Variants in CAMKMT observed in about 807,000 individuals in gnomAD.
CAMKMT encodes the protein CaM KMT.
A neutral mutation model predicts 48.0 loss-of-function variants in CAMKMT; 53 were observed. The ratio of observed to expected loss-of-function variants is 1.10; its 90% CI spans 0.89 to 1.39. The LOEUF is 1.39. CAMKMT is among the 40% of genes most tolerant of loss of function. The probability of loss-of-function intolerance (pLI) is 0.00; values close to 1 mark genes in which losing one functional copy is unlikely to be tolerated. For synonymous variants in CAMKMT, 165 were observed against 152.3 expected (o/e 1.08, Z -0.61); for missense variants, 428 against 402.7 (o/e 1.06, Z -0.54).
At chr2:44,490,425 G>A (rs570896493) in intron 3 of CAMKMT, among the ~76,000 whole-genome samples, 80 of 152,130 alleles carry the variant, frequency 5.3e-4, no homozygotes, top group Non-Finnish European at 9.0e-4. Context: ...ACAGGCATGC[G>A]CCACCACACT....
intron 3 of CAMKMT, chr2:44,456,592 G>T (rs1160426962): frequency 6.5e-7 from 1 of 1,549,744 alleles, no homozygotes; most frequent in Non-Finnish European, 8.7e-7. Context: ...GGAAAATGAA[G>T]ATATCACCAT....
intron 3 of CAMKMT, among the ~76,000 whole-genome samples, chr2:44,482,377 CAGG>C (rs905356948): frequency 2.0e-4 from 30 of 152,048 alleles, no homozygotes; most frequent in African/African-American, 7.0e-4. Flanking sequence ...AAAAATTCTT[CAGG>C]AGGTCTATTG....
chr2:44,377,346 TTGTTATTAGATAGA>T (rs1679803080), intron 2 of CAMKMT, among the ~76,000 whole-genome samples: 1 of 152,168 alleles, frequency 6.6e-6, no homozygotes, highest in South Asian at 2.1e-4. Flanking sequence ...GAAGAGGCTC[TTGTTATTAGATAGA>T]TGCAAGTATA....
rs560123134 is a variant in CAMKMT at position 44,530,946 on chromosome 2, A to G, written c.376+140641A>G. Reference sequence around the variant, plus strand: ...GTGGTAGCCTTAGAAGGAACAAGATATGATGACAAAGATCTTCCCCATTGT... The same window carrying G: ...GTGGTAGCCTTAGAAGGAACAAGATGTGATGACAAAGATCTTCCCCATTGT... On this transcript the variant is annotated intron_variant, in intron 3 of 10. Transcript: ENST00000378494. Among the ~76,000 whole-genome samples, 104 of 152,152 alleles carry G rather than the reference A, an allele frequency of 6.8e-4. No homozygotes were observed. In the Middle Eastern group the frequency reaches 0.014, roughly 20 times the overall value.
chr2:44,454,200 T>C (rs1436647951), intron 3 of CAMKMT, among the ~76,000 whole-genome samples: 1 of 152,156 alleles, frequency 6.6e-6, no homozygotes, highest in South Asian at 2.1e-4. Context: ...TTTCATTCTC[T>C]TCTGTTTACA....
At chr2:44,730,846 A>C (rs1048702448) in intron 7 of CAMKMT, among the ~76,000 whole-genome samples, 2 of 152,244 alleles carry the variant, frequency 1.3e-5, no homozygotes, top group Non-Finnish European at 2.9e-5. Flanking sequence ...AGTGACATAA[A>C]AGAAACTGTG....
At chr2:44,592,269 A>C (rs908112408) in intron 3 of CAMKMT, among the ~76,000 whole-genome samples, 2 of 147,060 alleles carry the variant, frequency 1.4e-5, no homozygotes, top group Non-Finnish European at 3.0e-5. Context: ...GGGTACTGCA[A>C]TATTCAGGTT....
intron 3 of CAMKMT, among the ~76,000 whole-genome samples, chr2:44,453,513 G>A (rs2104597012): frequency 6.6e-6 from 1 of 152,174 alleles, no homozygotes; most frequent in Non-Finnish European, 1.5e-5. Context: ...TGAATGTAAT[G>A]AACAGCTATT....
intron 3 of CAMKMT, among the ~76,000 whole-genome samples, chr2:44,600,361 G>T (rs779690258): frequency 2.6e-5 from 4 of 151,698 alleles, no homozygotes; most frequent in Non-Finnish European, 5.9e-5. Context: ...CAAACTCCTG[G>T]GCTCAGGTGA....
chr2:44,496,375 C>T (rs139153135), intron 3 of CAMKMT, among the ~76,000 whole-genome samples: 1 of 152,086 alleles, frequency 6.6e-6, no homozygotes, highest in African/African-American at 2.4e-5. Flanking sequence ...GTAAACACTC[C>T]CTACTGATTC....
intron 3 of CAMKMT, among the ~76,000 whole-genome samples, chr2:44,520,550 T>G (rs1020022963): frequency 3.9e-5 from 6 of 152,214 alleles, no homozygotes; most frequent in Non-Finnish European, 7.4e-5. Context: ...ATGGTCATGG[T>G]ACCTGCTCCT....
intron 3 of CAMKMT, among the ~76,000 whole-genome samples, chr2:44,568,992 T>C (rs775988118): frequency 2.2e-4 from 33 of 152,330 alleles, no homozygotes; most frequent in Admixed American, 1.0e-3. Flanking sequence ...TCTAGGGCAG[T>C]GTCAGAATTC....
At chr2:44,632,894 G>A (rs1482087014) in intron 3 of CAMKMT, among the ~76,000 whole-genome samples, 1 of 152,132 alleles carries the variant, frequency 6.6e-6, no homozygotes, top group East Asian at 1.9e-4. Flanking sequence ...TTGGGTCTCA[G>A]GCTGGCTCTC....
intron 3 of CAMKMT, among the ~76,000 whole-genome samples, chr2:44,443,502 G>A (rs2104569069): frequency 6.6e-6 from 1 of 152,226 alleles, no homozygotes; most frequent in African/African-American, 2.4e-5. Context: ...TGGGGGTGAA[G>A]TGCTTAGTTT....
chr2:44,619,225 C>T (rs896319303), intron 3 of CAMKMT, among the ~76,000 whole-genome samples: 1 of 152,158 alleles, frequency 6.6e-6, no homozygotes, highest in Non-Finnish European at 1.5e-5. Flanking sequence ...CACCATTACT[C>T]AAGTCTGCAT....
intron 3 of CAMKMT, among the ~76,000 whole-genome samples, chr2:44,606,809 C>CA (rs1671310124): frequency 1.2e-5 from 1 of 84,676 alleles, no homozygotes; most frequent in Non-Finnish European, 2.5e-5. Flanking sequence ...CTTAATGTGA[C>CA]CCCCCCCCCA....
intron 3 of CAMKMT, among the ~76,000 whole-genome samples, chr2:44,553,364 CT>C (rs11355850): frequency 0.54 from 75,552 of 141,132 alleles, 20,805 homozygotes; most frequent in Non-Finnish European, 0.64. Flanking sequence ...GAGTGAGACA[CT>C]TTTTTTTTTT....
Position 44,524,884 on chromosome 2 carries a change from A to G in CAMKMT, c.376+134579A>G, listed in dbSNP as rs536517299. On this transcript the variant is annotated intron_variant, in intron 3 of 10. Coordinates refer to ENST00000378494, the MANE Select transcript of CAMKMT (RefSeq NM_024766.5). ...AATGGCTTTTTTCTGCCTATCTTCTATGCAATAGATATTATGCCTCCTAAG... is the reference window on the plus strand; with the variant it reads ...AATGGCTTTTTTCTGCCTATCTTCTGTGCAATAGATATTATGCCTCCTAAG... 6.6e-5 allele frequency among the ~76,000 whole-genome samples: 10 copies of G among 152,202 alleles called. 1 individual carries two copies. The East Asian group carries it at 1.7e-3, about 26-fold the overall frequency.
chr2:44,737,365 C>A (rs1401282080), intron 7 of CAMKMT, among the ~76,000 whole-genome samples: 4 of 152,160 alleles, frequency 2.6e-5, no homozygotes. Flanking sequence ...AGTCCTCCCA[C>A]CTTGACCGCC....
Sources: allele counts gnomAD v4.1 joint callset (sites outside exome capture counted in the v4.1 genomes callset), GRCh38; gene constraint gnomAD v4.1.1; transcripts MANE v1.5; gene names NCBI Gene and HGNC (gene_info 2026-07-23, HGNC 2026-07-21).